TPST1: variants seen among roughly 807,000 people sequenced by gnomAD.
TPST1 encodes the protein protein-tyrosine sulfotransferase 1.
A neutral mutation model predicts 34.8 loss-of-function variants in TPST1; 20 were observed. The observed-to-expected ratio is 0.57, with a 90% CI of 0.40 to 0.84. The LOEUF (loss-of-function observed/expected upper bound fraction) is 0.84. TPST1 is among the 40% of genes least tolerant of loss of function. The probability of loss-of-function intolerance (pLI) is 0.00; values close to 1 mark genes in which losing one functional copy is unlikely to be tolerated. For synonymous variants in TPST1, 152 were observed against 159.4 expected (o/e 0.95, Z 0.35); for missense variants, 353 against 455.5 (o/e 0.78, Z 2.05).
chr7:66,280,377 C>T (rs769695702), intron 2 of TPST1, among the ~76,000 whole-genome samples: 30 of 152,250 alleles, frequency 2.0e-4, no homozygotes, highest in Non-Finnish European at 3.1e-4. Flanking sequence ...TTCAAGTTTT[C>T]GTGGCTATTG....
At chr7:66,218,015 G>A (rs974853312) in intron 1 of TPST1, among the ~76,000 whole-genome samples, 4 of 152,050 alleles carry the variant, frequency 2.6e-5, no homozygotes, top group East Asian at 1.9e-4. Flanking sequence ...GAGTAGCTGC[G>A]ATTACAGGCA....
At chr7:66,258,414 C>G (rs1006004369) in intron 2 of TPST1, among the ~76,000 whole-genome samples, 2 of 152,178 alleles carry the variant, frequency 1.3e-5, no homozygotes, top group Non-Finnish European at 2.9e-5. Flanking sequence ...TTGGGTCTTT[C>G]CTATCCACAG....
chr7:66,260,161 A>G (rs1790460145), intron 2 of TPST1, among the ~76,000 whole-genome samples: 1 of 152,192 alleles, frequency 6.6e-6, no homozygotes, highest in East Asian at 1.9e-4. Context: ...AAGTGTTTCC[A>G]ATTTTGGATT....
intron 3 of TPST1, among the ~76,000 whole-genome samples, chr7:66,333,170 A>G (rs1194405083): frequency 6.6e-6 from 1 of 152,220 alleles, no homozygotes; most frequent in Non-Finnish European, 1.5e-5. Context: ...GGAATTAATT[A>G]TACCTCACTC....
At chr7:66,241,343 G>A in intron 2 of TPST1, 73 bp downstream of exon 2, 3 of 1,497,256 alleles carry the variant, frequency 2.0e-6, no homozygotes, top group Non-Finnish European at 1.8e-6. Flanking sequence ...GTATGTATGT[G>A]TTTTATGTAT....
chr7:66,219,408 C>T (rs1351912471), intron 1 of TPST1, among the ~76,000 whole-genome samples: 1 of 152,188 alleles, frequency 6.6e-6, no homozygotes. Context: ...ACTTTCTAGC[C>T]TCCGTATATA....
intron 1 of TPST1, among the ~76,000 whole-genome samples, chr7:66,231,356 C>T (rs929280559): frequency 2.6e-5 from 4 of 152,248 alleles, no homozygotes; most frequent in Admixed American, 2.6e-4. Context: ...ATGCTGTGCG[C>T]TCGCACTCCG....
chr7:66,272,518 G>C (rs1205583623), intron 2 of TPST1, among the ~76,000 whole-genome samples: 3 of 151,490 alleles, frequency 2.0e-5, no homozygotes, highest in Admixed American at 1.3e-4. Context: ...ATCATCCTCA[G>C]TGGTGAAAAG....
At chr7:66,261,232 C>CTTTTTTTTTTTTTTT (rs36114007) in intron 2 of TPST1, among the ~76,000 whole-genome samples, 1 of 126,702 alleles carries the variant, frequency 7.9e-6, no homozygotes, top group Non-Finnish European at 1.6e-5. Context: ...CGTATATTGT[C>CTTTTTTTTTTTTTTT]TTTTTTTTTT....
At chr7:66,320,334 A>G (rs562562195) in intron 3 of TPST1, among the ~76,000 whole-genome samples, 12 of 123,848 alleles carry the variant, frequency 9.7e-5, no homozygotes, top group Non-Finnish European at 1.9e-4. Flanking sequence ...TGCAAGCTCC[A>G]CCTCCCGGGT....
chr7:66,327,661 TGCAGTGA>T (rs1490542874), intron 3 of TPST1, among the ~76,000 whole-genome samples: 2 of 150,892 alleles, frequency 1.3e-5, no homozygotes, highest in Admixed American at 6.6e-5. Context: ...AGGTCAAAGC[TGCAGTGA>T]GCCGTGATTG....
chr7:66,357,584 C>T (rs983510587), intron 5 of TPST1, among the ~76,000 whole-genome samples: 4 of 152,136 alleles, frequency 2.6e-5, no homozygotes, highest in Admixed American at 1.3e-4. Flanking sequence ...GTATGTGGCC[C>T]TCATCAGGCA....
At chr7:66,220,856 G>A (rs113641455) in intron 1 of TPST1, among the ~76,000 whole-genome samples, 1 of 152,188 alleles carries the variant, frequency 6.6e-6, no homozygotes, top group African/African-American at 2.4e-5. Context: ...TTCCTGGCTG[G>A]GAGCGGTGGC....
Position 66,280,057 on chromosome 7 carries a change from G to C in TPST1, c.846-6454G>C, listed in dbSNP as rs1790902575. On this transcript the variant is annotated intron_variant, in intron 2 of 5. Transcript: ENST00000304842. ...CATCGTGACCTGCCTCCCTCCTGGG[G>C]GTGTGGTGGCCCACAGTCCCCCTGG... Among the ~76,000 whole-genome samples, 3 of 152,218 alleles carry C rather than the reference G, an allele frequency of 2.0e-5. No homozygotes were observed. The South Asian group carries it at 6.2e-4, about 31-fold the overall frequency.
rs780952403 is a variant in TPST1 at position 66,224,901 on chromosome 7, C to CTTTTTTTTTT, written c.-101-15402_-101-15393dup. Among the ~76,000 whole-genome samples the CTTTTTTTTTT allele has an allele frequency of 6.0e-3, 256 of 42,422 alleles. 48 individuals are homozygous for CTTTTTTTTTT. Among genetic ancestry groups the CTTTTTTTTTT allele is most frequent in the East Asian group, 0.021 (26 of 1,228 alleles). The allele number at this position is 42,422 out of a possible 152,430, so 27.8% of individuals were successfully genotyped here. A position where few individuals can be genotyped will look rare whatever the true frequency, so the allele number is the denominator to read the frequency against. ...AACTGAGCCTGAACATTCTGGTATT[C>CTTTTTTTTTT]TTTTTTTTTTTTTTTTTTTTTTTTT... On this transcript the variant is annotated intron_variant, in intron 1 of 5. Coordinates refer to ENST00000304842, the MANE Select transcript of TPST1 (RefSeq NM_003596.4).
At chr7:66,248,844 G>A (rs1790206452) in intron 2 of TPST1, among the ~76,000 whole-genome samples, 1 of 152,122 alleles carries the variant, frequency 6.6e-6, no homozygotes, top group Non-Finnish European at 1.5e-5. Context: ...GCATTTTAGG[G>A]TATGTCTTAG....
At position 66,352,533 on chromosome 7, in the gene TPST1, A is replaced by T. The variant is rs537656953; in HGVS notation, c.1073A>T (p.Asp358Val). 1 of 1,613,278 alleles carries T rather than the reference A, an allele frequency of 6.2e-7. No homozygotes were observed. Among genetic ancestry groups the T allele is most frequent in the Admixed American group, 1.7e-5 (1 of 59,708 alleles). ...TATAAGGGAGAATTCCAACTACCTG[A>T]CTTTCTTAAAGAAAAACCACAGGTA... ...RVYKGEFQLPDFLKEKPQTEQ... is the reference protein window; with the variant it reads ...RVYKGEFQLPVFLKEKPQTEQ... The change falls in exon 4 of 6, where the codon GAC becomes GTC. Residue 358 changes from aspartate (D) to valine (V), a missense_variant. Asp to Val is a radical substitution (Grantham distance 152). Coordinates refer to ENST00000304842, the MANE Select transcript of TPST1 (RefSeq NM_003596.4).
chr7:66,252,419 G>A (rs1269176817), intron 2 of TPST1, among the ~76,000 whole-genome samples: 18 of 145,478 alleles, frequency 1.2e-4, no homozygotes, highest in African/African-American at 4.6e-4. Flanking sequence ...GCAGTGGCGC[G>A]ATCTCTGCCC....
At chr7:66,343,836 A>G (rs1179981188) in intron 3 of TPST1, among the ~76,000 whole-genome samples, 2 of 152,260 alleles carry the variant, frequency 1.3e-5, no homozygotes, top group East Asian at 3.8e-4. Flanking sequence ...GAAATTTTAA[A>G]TAAGTATGAT....
Sources: gnomAD v4.1 joint callset for allele counts (sites outside exome capture counted in the v4.1 genomes callset) on GRCh38, gnomAD v4.1.1 for gene constraint, MANE v1.5 for transcripts, NCBI Gene and HGNC (gene_info 2026-07-23, HGNC 2026-07-21) for gene names.